The following DNAH5 variants were observed in gnomAD, a reference collection of about 807,000 sequenced individuals.
DNAH5 encodes the protein axonemal beta dynein heavy chain 5.
Under a neutral mutation model 518.2 loss-of-function variants are expected in DNAH5, and 372 were observed. The observed-to-expected ratio is 0.72, with a 90% CI of 0.66 to 0.78. The LOEUF is 0.78. Among genes scored for constraint, DNAH5 ranks in the 30% least tolerant of loss-of-function variants. DNAH5 has a pLI of 0.00. For synonymous variants in DNAH5, 2,039 were observed against 2,025.9 expected (o/e 1.01, Z -0.17); for missense variants, 5,523 against 5,687.0 (o/e 0.97, Z 0.93).
Position 13,975,319 on chromosome 5 carries a change from C to T in DNAH5, c.12+36329G>A, listed in dbSNP as rs563734116. ...TGTGGGGGAAACCATCCCCATGATT[C>T]AATTATCTCCCACTGGGTCCCTCCC... On this transcript the variant is annotated intron_variant, in intron 1 of 78. Coordinates refer to the DNAH5 transcript ENST00000681290. Among the ~76,000 whole-genome samples the T allele has an allele frequency of 2.1e-4, 32 of 152,262 alleles. No homozygotes were observed. In the South Asian group the frequency reaches 3.3e-3, roughly 16 times the overall value.
intron 30 of DNAH5, 104 bp from the exon 31 acceptor site, chr5:13,850,919 CAG>C: frequency 5.1e-6 from 6 of 1,170,238 alleles, no homozygotes; most frequent in Non-Finnish European, 7.7e-6. Context: ...TTAACCAGTC[CAG>C]ATATCCAAGC....
At chr5:13,917,421 T>G in intron 7 of DNAH5, among the ~76,000 whole-genome samples, 165 bp from the exon 8 acceptor site, 1 of 152,182 alleles carries the variant, frequency 6.6e-6, no homozygotes, top group East Asian at 1.9e-4. Context: ...TGGAAAGCAA[T>G]TTAAAATTTT....
chr5:13,726,189 TA>T (rs1456464991), intron 70 of DNAH5, among the ~76,000 whole-genome samples: 1 of 152,176 alleles, frequency 6.6e-6, no homozygotes, highest in East Asian at 1.9e-4. Context: ...AAAAGGATTC[TA>T]AAAGGAGAAT....
chr5:13,741,747 G>A (rs1039283044), intron 65 of DNAH5, among the ~76,000 whole-genome samples: 1 of 152,164 alleles, frequency 6.6e-6, no homozygotes, highest in Non-Finnish European at 1.5e-5. Flanking sequence ...CCTGAAGACA[G>A]GTAAGGGAAG....
At chr5:13,996,987 T>G (rs1478296371) in intron 1 of DNAH5, among the ~76,000 whole-genome samples, 2 of 152,116 alleles carry the variant, frequency 1.3e-5, no homozygotes, top group Non-Finnish European at 2.9e-5. Flanking sequence ...TCCAACACTC[T>G]CCAGGGCATC....
chr5:13,937,247 C>T (rs1283025218), intron 1 of DNAH5, among the ~76,000 whole-genome samples: 1 of 149,180 alleles, frequency 6.7e-6, no homozygotes, highest in African/African-American at 2.5e-5. Flanking sequence ...AAAAAATATG[C>T]GCTTAACAGT....
chr5:13,700,970 C>A, intron 77 of DNAH5, 99 bp from the exon 78 acceptor site: 2 of 1,251,012 alleles, frequency 1.6e-6, no homozygotes, highest in South Asian at 2.4e-5. Context: ...CACTCTAACT[C>A]GAAGGACGTA....
At chr5:13,712,128 G>C (rs113558731) in intron 75 of DNAH5, among the ~76,000 whole-genome samples, 17 of 152,216 alleles carry the variant, frequency 1.1e-4, no homozygotes, top group African/African-American at 4.1e-4. Context: ...TAGGCACATA[G>C]ACCAACTGAA....
chr5:13,700,981 C>T, intron 77 of DNAH5, 110 bp from the exon 78 acceptor site: 1 of 1,161,942 alleles, frequency 8.6e-7, no homozygotes, highest in Non-Finnish European at 1.3e-6. Context: ...GAAGGACGTA[C>T]AATAGTATTT....
In DNAH5 at chr5:13,956,765, C is replaced by CATTTT. The variant is rs544608412; in HGVS notation, c.13-25526_13-25522dup. Among the ~76,000 whole-genome samples, 349 of 152,282 alleles carry CATTTT rather than the reference C, an allele frequency of 2.3e-3. 6 individuals carry two copies. In the East Asian group the frequency reaches 0.036, roughly 16 times the overall value. ...CATAGCAGGTGCTCTTTTTTATTAT[C>CATTTT]ATTTTATTGAGTGATTATCAAATGG... On this transcript the variant is annotated intron_variant, in intron 1 of 78. Coordinates refer to the DNAH5 transcript ENST00000681290.
intron 1 of DNAH5, among the ~76,000 whole-genome samples, chr5:13,995,163 G>T (rs1013490385): frequency 2.3e-4 from 35 of 152,112 alleles, no homozygotes; most frequent in Non-Finnish European, 4.4e-4. Context: ...TGCTTGGCAA[G>T]CTTGTCTTTC....
chr5:13,756,718 T>A (rs1416214196), intron 61 of DNAH5, among the ~76,000 whole-genome samples: 1 of 152,202 alleles, frequency 6.6e-6, no homozygotes, highest in Non-Finnish European at 1.5e-5. Context: ...TCATTTTCAT[T>A]TTCAGTTCAG....
At chr5:13,811,371 T>G (rs1760682645) in intron 44 of DNAH5, among the ~76,000 whole-genome samples, 1 of 152,216 alleles carries the variant, frequency 6.6e-6, no homozygotes, top group Non-Finnish European at 1.5e-5. Context: ...AGTAATAATT[T>G]TGGGATACCC....
At chr5:14,011,664 C>T (rs1419149868) in exon 1 of DNAH5, among the ~76,000 whole-genome samples, 1 of 152,108 alleles carries the variant, frequency 6.6e-6, no homozygotes, top group Non-Finnish European at 1.5e-5. Context: ...GTCCATGGCG[C>T]TGTGCTGCGG....
chr5:13,721,742 C>G (rs1420306007), intron 70 of DNAH5, among the ~76,000 whole-genome samples: 1 of 152,182 alleles, frequency 6.6e-6, no homozygotes, highest in African/African-American at 2.4e-5. Flanking sequence ...CATAATCTCT[C>G]TCCTCATCAT....
chr5:13,994,317 A>G (rs1172402375), intron 1 of DNAH5, among the ~76,000 whole-genome samples: 2 of 152,126 alleles, frequency 1.3e-5, no homozygotes, highest in African/African-American at 4.8e-5. Context: ...TCCTCCCCAA[A>G]AAGGAATTTT....
At chr5:13,730,373 C>A (rs1746318368) in intron 68 of DNAH5, among the ~76,000 whole-genome samples, 1 of 152,196 alleles carries the variant, frequency 6.6e-6, no homozygotes, top group Non-Finnish European at 1.5e-5. Context: ...ATAAAATATA[C>A]TATTTAATAA....
At chr5:13,845,439 T>C (rs897359124) in intron 31 of DNAH5, among the ~76,000 whole-genome samples, 1 of 151,900 alleles carries the variant, frequency 6.6e-6, no homozygotes, top group Non-Finnish European at 1.5e-5. Flanking sequence ...ATACTTGAAA[T>C]TGTGACTTAA....
At chr5:13,948,954 T>C (rs1236789236), upstream of DNAH5, among the ~76,000 whole-genome samples, 2 of 152,090 alleles carry the variant, frequency 1.3e-5, no homozygotes, top group Non-Finnish European at 2.9e-5. Flanking sequence ...TTGCTGCCCC[T>C]AAGCTACTCC....
Sources: allele counts gnomAD v4.1 joint callset (sites outside exome capture counted in the v4.1 genomes callset), GRCh38; gene constraint gnomAD v4.1.1; transcripts MANE v1.5; gene names NCBI Gene and HGNC (gene_info 2026-07-23, HGNC 2026-07-21).